KCNJ6: variants seen among roughly 807,000 people sequenced by gnomAD.
KCNJ6 encodes the protein potassium inwardly rectifying channel subfamily J member 6.
KCNJ6 carries 9 observed loss-of-function variants against 34.2 expected under a neutral mutation model. The ratio of observed to expected loss-of-function variants is 0.26; its 90% confidence interval spans 0.16 to 0.46. The LOEUF is 0.46. Ranked by LOEUF, KCNJ6 falls within the 20% of genes least tolerant of loss-of-function variation. The probability of loss-of-function intolerance (pLI) is 1.00; values close to 1 mark genes in which losing one functional copy is unlikely to be tolerated. For missense variants in KCNJ6, 236 were observed against 531.3 expected (o/e 0.44, Z 5.46); for synonymous variants, 196 against 207.1 (o/e 0.95, Z 0.46).
intron 2 of KCNJ6, among the ~76,000 whole-genome samples, chr21:37,838,402 T>C (rs2055462512): frequency 1.3e-5 from 2 of 152,190 alleles, no homozygotes; most frequent in African/African-American, 4.8e-5. Flanking sequence ...AACCAGAGTA[T>C]CCATTTCCAA....
At position 37,916,407 on chromosome 21, in the gene KCNJ6, G is replaced by A. The variant is rs2055894794; in HGVS notation, c.-551C>T. The stretch of plus-strand genomic sequence containing the variant: ...GAATGCTACTCAATTCCAGCCGACT[G>A]GCTGAGCCCCGCTGGCAGCGCACGA... On this transcript the variant is annotated 5_prime_UTR_variant, in exon 1 of 4. Coordinates refer to ENST00000609713, the MANE Select transcript of KCNJ6 (RefSeq NM_002240.5). 1 of 152,302 alleles carries A rather than the reference G, an allele frequency of 6.6e-6. No homozygotes were observed. Among genetic ancestry groups the A allele is most frequent in the Non-Finnish European group, 1.5e-5 (1 of 68,032 alleles). The allele number at this position is 152,302 out of a possible 1,614,324, so 9.4% of individuals were successfully genotyped here. A position where few individuals can be genotyped will look rare whatever the true frequency, so the allele number is the denominator to read the frequency against.
chr21:37,654,251 C>T (rs1233204174), intron 3 of KCNJ6, among the ~76,000 whole-genome samples: 1 of 151,750 alleles, frequency 6.6e-6, no homozygotes, highest in Admixed American at 6.6e-5. Context: ...TCTCTTCAGT[C>T]TCCATGTCCT....
At chr21:37,678,927 A>C (rs543594952) in intron 3 of KCNJ6, among the ~76,000 whole-genome samples, 1 of 152,174 alleles carries the variant, frequency 6.6e-6, no homozygotes, top group Non-Finnish European at 1.5e-5. Flanking sequence ...TTCCCCTTAC[A>C]TGTTGGCTGG....
chr21:37,814,896 CAAAAAAA>C (rs3061049), intron 2 of KCNJ6, among the ~76,000 whole-genome samples: 1 of 69,210 alleles, frequency 1.4e-5, no homozygotes, highest in African/African-American at 5.1e-5. Context: ...GACTCTGTCT[CAAAAAAA>C]AAAAAAAAAA....
At chr21:37,635,193 A>T (rs1341522388) in intron 3 of KCNJ6, among the ~76,000 whole-genome samples, 1 of 151,986 alleles carries the variant, frequency 6.6e-6, no homozygotes, top group Non-Finnish European at 1.5e-5. Context: ...CCAAGTTACA[A>T]GTATTTTATA....
chr21:37,763,814 G>C (rs2055077898), intron 2 of KCNJ6, among the ~76,000 whole-genome samples: 1 of 152,134 alleles, frequency 6.6e-6, no homozygotes, highest in Admixed American at 6.5e-5. Context: ...GTGGGGGGAG[G>C]GGGAAGGGAT....
At chr21:37,678,570 G>A (rs73904037) in intron 3 of KCNJ6, among the ~76,000 whole-genome samples, 14,361 of 152,240 alleles carry the variant, frequency 0.094, 1,623 homozygotes, top group African/African-American at 0.27. Flanking sequence ...GAAGGAGCCT[G>A]GAGGAGAGGA....
intron 1 of KCNJ6, among the ~76,000 whole-genome samples, chr21:37,902,561 G>T (rs1222844995): frequency 6.6e-6 from 1 of 152,116 alleles, no homozygotes; most frequent in East Asian, 1.9e-4. Flanking sequence ...ACACTTTAAG[G>T]ATTATAGAAA....
chr21:37,759,888 G>T (rs773459979), intron 2 of KCNJ6, among the ~76,000 whole-genome samples: 13 of 152,290 alleles, frequency 8.5e-5, no homozygotes, highest in Non-Finnish European at 1.9e-4. Flanking sequence ...TCTGGGCTGG[G>T]TCACGAAAGG....
At chr21:37,899,877 C>A (rs942641704) in intron 1 of KCNJ6, among the ~76,000 whole-genome samples, 1 of 152,184 alleles carries the variant, frequency 6.6e-6, no homozygotes, top group Non-Finnish European at 1.5e-5. Flanking sequence ...TTCCACTATG[C>A]AAAGGTGTTT....
intron 3 of KCNJ6, among the ~76,000 whole-genome samples, chr21:37,681,739 T>C (rs2054591570): frequency 6.6e-6 from 1 of 151,600 alleles, no homozygotes; most frequent in Admixed American, 6.6e-5. Flanking sequence ...GCTGGTGAAA[T>C]TTGCTAGTGA....
chr21:37,902,220 G>A (rs1355495597), intron 1 of KCNJ6, among the ~76,000 whole-genome samples: 1 of 152,242 alleles, frequency 6.6e-6, no homozygotes, highest in South Asian at 2.1e-4. Context: ...ATTTTTATAT[G>A]GCTTAGAGAA....
intron 2 of KCNJ6, among the ~76,000 whole-genome samples, chr21:37,761,826 G>A (rs2055066791): frequency 6.6e-6 from 1 of 152,032 alleles, no homozygotes; most frequent in African/African-American, 2.4e-5. Context: ...GTGTCGTGTG[G>A]TGTCTCTGTG....
intron 3 of KCNJ6, among the ~76,000 whole-genome samples, chr21:37,685,706 A>AAAG (rs78443969): frequency 0.01 from 535 of 51,036 alleles, 206 homozygotes; most frequent in Non-Finnish European, 0.017. Context: ...AAAAAAAAAA[A>AAAG]AATCTATCCT....
At chr21:37,794,215 T>G (rs1229474532) in intron 2 of KCNJ6, among the ~76,000 whole-genome samples, 1 of 152,244 alleles carries the variant, frequency 6.6e-6, no homozygotes, top group Non-Finnish European at 1.5e-5. Flanking sequence ...TAAATTCATT[T>G]CATTTCTCCA....
chr21:37,894,048 T>C (rs1203237797), intron 1 of KCNJ6, among the ~76,000 whole-genome samples: 1 of 152,262 alleles, frequency 6.6e-6, no homozygotes, highest in Admixed American at 6.5e-5. Flanking sequence ...CCATCACTTA[T>C]AACTTCAGGA....
In KCNJ6 at chr21:37,615,244, C is replaced by CTTTTTTTTTTT. The variant is rs1156939747; in HGVS notation, c.*9904_*9914dup. Reference sequence around the variant, plus strand: ...ACCCTCGACTGACATTCCCAGCATTCTTTTTTTTTTTTTTTTTTTTTTTTT... The same window carrying CTTTTTTTTTTT: ...ACCCTCGACTGACATTCCCAGCATTCTTTTTTTTTTTTTTTTTTTTTTTTTTTTTTTTTTTT... On this transcript the variant is annotated 3_prime_UTR_variant, in exon 4 of 4. Transcript: ENST00000609713. 2 of 98,890 alleles carry CTTTTTTTTTTT rather than the reference C, an allele frequency of 2.0e-5. No homozygotes were observed. The highest frequency in any genetic ancestry group is 7.9e-5 in the African/African-American group (2 of 25,164). 6.1% of individuals were successfully genotyped at this position (98,890 alleles called of 1,614,324 possible).
Position 37,914,049 on chromosome 21 carries a change from GTC to G in KCNJ6, c.-28+1833_-28+1834del, listed in dbSNP as rs1555855558. ...TGTGTGTGTGTGTGTGTGTGTGTGT[GTC>G]TGTGCGCGCGCGCGTCCTTTTTCTC... On this transcript the variant is annotated intron_variant, in intron 1 of 3. Coordinates refer to ENST00000609713, the MANE Select transcript of KCNJ6 (RefSeq NM_002240.5). Among the ~76,000 whole-genome samples the G allele has an allele frequency of 1.2e-3, 176 of 148,386 alleles. 2 individuals are homozygous for G. The highest frequency in any genetic ancestry group is 2.0e-3 in the Non-Finnish European group (137 of 67,194).
chr21:37,844,816 TGC>T (rs2123582777), intron 1 of KCNJ6, among the ~76,000 whole-genome samples: 1 of 152,294 alleles, frequency 6.6e-6, no homozygotes, highest in African/African-American at 2.4e-5. Context: ...GGTTTGTTTG[TGC>T]ACAAATGCAT....
Sources: gnomAD v4.1 joint callset for allele counts (sites outside exome capture counted in the v4.1 genomes callset) on GRCh38, gnomAD v4.1.1 for gene constraint, MANE v1.5 for transcripts, NCBI Gene and HGNC (gene_info 2026-07-23, HGNC 2026-07-21) for gene names.